FMN1: variants seen among roughly 807,000 people sequenced by gnomAD.
The protein encoded by FMN1 is formin 1, also known as formin-1.
A neutral mutation model predicts 132.4 loss-of-function variants in FMN1; 110 were observed. That is an observed-to-expected ratio of 0.83 (90% confidence interval 0.71 to 0.97). FMN1 has a LOEUF of 0.97. Ranked by LOEUF, FMN1 falls within the 50% of genes least tolerant of loss-of-function variation. The pLI is 0.00. For synonymous variants in FMN1, 722 were observed against 651.7 expected (o/e 1.11, Z -1.64); for missense variants, 1,792 against 1,705.3 (o/e 1.05, Z -0.90).
intron 7 of FMN1, among the ~76,000 whole-genome samples, chr15:32,983,006 A>G (rs895319499): frequency 6.6e-6 from 1 of 152,186 alleles, no homozygotes; most frequent in Non-Finnish European, 1.5e-5. Flanking sequence ...ATTAATATAT[A>G]TCTATATATT....
chr15:32,998,226 T>C (rs1387001250), intron 7 of FMN1, among the ~76,000 whole-genome samples: 1 of 152,236 alleles, frequency 6.6e-6, no homozygotes, highest in African/African-American at 2.4e-5. Flanking sequence ...GCTTTCCTAA[T>C]GCTACCCCCC....
At chr15:32,938,066 T>C (rs550056779) in intron 9 of FMN1, among the ~76,000 whole-genome samples, 1 of 151,840 alleles carries the variant, frequency 6.6e-6, no homozygotes, top group African/African-American at 2.4e-5. Context: ...TTGAAGACTA[T>C]AGGAGAGAAA....
intron 9 of FMN1, among the ~76,000 whole-genome samples, chr15:32,956,688 G>A (rs1342298967): frequency 6.6e-6 from 1 of 152,090 alleles, no homozygotes; most frequent in East Asian, 1.9e-4. Flanking sequence ...TTGTCAACAC[G>A]TGAAAAACGT....
intron 8 of FMN1, among the ~76,000 whole-genome samples, chr15:32,965,405 T>A (rs1015439637): frequency 3.3e-5 from 5 of 151,842 alleles, no homozygotes; most frequent in East Asian, 1.9e-4. Context: ...ATCTCAAAAA[T>A]AATAATAATA....
intron 17 of FMN1, among the ~76,000 whole-genome samples, chr15:32,832,074 T>G (rs12101843): frequency 6.6e-6 from 1 of 151,958 alleles, no homozygotes; most frequent in Non-Finnish European, 1.5e-5. Context: ...ATTTGAAACA[T>G]AAACTCAGGC....
chr15:33,134,895 A>G (rs558937454), intron 4 of FMN1, among the ~76,000 whole-genome samples: 2 of 152,122 alleles, frequency 1.3e-5, no homozygotes, highest in Non-Finnish European at 2.9e-5. Flanking sequence ...CCAGCTACTC[A>G]AGAGGCTGAA....
At chr15:32,882,182 G>A (rs1002599657) in intron 16 of FMN1, among the ~76,000 whole-genome samples, 12 of 152,200 alleles carry the variant, frequency 7.9e-5, no homozygotes, top group Admixed American at 7.2e-4. Flanking sequence ...ACAGAACGAA[G>A]TGGGGCTTAT....
chr15:32,913,151 C>A (rs539731137), intron 10 of FMN1, among the ~76,000 whole-genome samples: 2 of 152,060 alleles, frequency 1.3e-5, no homozygotes, highest in African/African-American at 4.8e-5. Context: ...ACTCAAGACC[C>A]AACTTCAGAA....
At chr15:33,033,191 C>T (rs184464491) in intron 6 of FMN1, among the ~76,000 whole-genome samples, 128 of 152,120 alleles carry the variant, frequency 8.4e-4, no homozygotes, top group African/African-American at 3.0e-3. Context: ...CCACCACACG[C>T]GGCTAATTTT....
chr15:32,957,298 C>T (rs28715686), intron 9 of FMN1, among the ~76,000 whole-genome samples: 5,808 of 83,036 alleles, frequency 0.07, 132 homozygotes, highest in East Asian at 0.19. Context: ...CAGAGCAGTT[C>T]TTTTTTTTTT....
chr15:33,041,979 A>T (rs2036461655), intron 6 of FMN1, among the ~76,000 whole-genome samples: 1 of 152,062 alleles, frequency 6.6e-6, no homozygotes, highest in Non-Finnish European at 1.5e-5. Context: ...CATGTTATGT[A>T]TATTTTACCA....
chr15:33,054,708 T>C (rs962410053), intron 6 of FMN1, among the ~76,000 whole-genome samples: 2 of 152,218 alleles, frequency 1.3e-5, no homozygotes, highest in African/African-American at 2.4e-5. Context: ...GATCCCACCA[T>C]GAGGCAGACA....
At chr15:33,042,640 A>T (rs2036492794) in intron 6 of FMN1, among the ~76,000 whole-genome samples, 2 of 152,208 alleles carry the variant, frequency 1.3e-5, no homozygotes, top group Non-Finnish European at 2.9e-5. Context: ...TCAGAGCAAG[A>T]GTGAAGGATT....
intron 6 of FMN1, among the ~76,000 whole-genome samples, chr15:33,060,352 C>A (rs2037426821): frequency 1.3e-5 from 2 of 152,186 alleles, no homozygotes; most frequent in South Asian, 4.1e-4. Context: ...TTATAACTCT[C>A]TTTGACTGAT....
At chr15:33,150,179 G>T (rs182187713) in intron 4 of FMN1, 3 of 985,414 alleles carry the variant, frequency 3.0e-6, no homozygotes, top group East Asian at 2.3e-4. Flanking sequence ...CACTAAAAGG[G>T]TTTACTTTGA....
intron 4 of FMN1, among the ~76,000 whole-genome samples, chr15:33,112,954 G>A (rs1438097521): frequency 1.3e-5 from 2 of 152,168 alleles, no homozygotes; most frequent in Non-Finnish European, 2.9e-5. Flanking sequence ...GGGGAAGGCA[G>A]GGAAAGTCTA....
At chr15:33,011,214 G>T (rs2034699551) in intron 6 of FMN1, among the ~76,000 whole-genome samples, 1 of 152,022 alleles carries the variant, frequency 6.6e-6, no homozygotes, top group Non-Finnish European at 1.5e-5. Context: ...TAACAAATAG[G>T]CTAATAAGAT....
intron 20 of FMN1, among the ~76,000 whole-genome samples, chr15:32,776,488 G>C (rs1265741975): frequency 6.6e-6 from 1 of 152,074 alleles, no homozygotes; most frequent in Non-Finnish European, 1.5e-5. Flanking sequence ...TTCTTTAATG[G>C]GGAAAAGGAA....
At chr15:32,847,308 A>T (rs1313171215) in intron 17 of FMN1, among the ~76,000 whole-genome samples, 1 of 151,736 alleles carries the variant, frequency 6.6e-6, no homozygotes, top group Admixed American at 6.6e-5. Flanking sequence ...GTGTGTGTAA[A>T]TATCTGCTGC....
Sources: gnomAD v4.1 joint callset for allele counts (sites outside exome capture counted in the v4.1 genomes callset) on GRCh38, gnomAD v4.1.1 for gene constraint, MANE v1.5 for transcripts, NCBI Gene and HGNC (gene_info 2026-07-23, HGNC 2026-07-21) for gene names.